ADCY8: variants seen among roughly 807,000 people sequenced by gnomAD.
ADCY8 encodes adenylate cyclase type 8.
ADCY8 carries 51 observed loss-of-function variants against 119.7 expected under a neutral mutation model. That is an observed-to-expected ratio of 0.43 (90% CI 0.34 to 0.54). The LOEUF is 0.54. Among genes scored for constraint, ADCY8 ranks in the 20% least tolerant of loss-of-function variants. The pLI, the probability that ADCY8 is intolerant of heterozygous loss-of-function variation, is 0.03. For synonymous variants in ADCY8, 665 were observed against 651.0 expected (o/e 1.02, Z -0.33); for missense variants, 1,383 against 1,598.8 (o/e 0.87, Z 2.30).
chr8:130,905,898 G>A (rs1819768144), intron 6 of ADCY8, among the ~76,000 whole-genome samples: 1 of 152,094 alleles, frequency 6.6e-6, no homozygotes, highest in African/African-American at 2.4e-5. Context: ...ATAAAATGCA[G>A]TTTACTTTTA....
At chr8:131,020,798 G>T (rs1031096379) in intron 1 of ADCY8, among the ~76,000 whole-genome samples, 1 of 152,186 alleles carries the variant, frequency 6.6e-6, no homozygotes, top group Non-Finnish European at 1.5e-5. Flanking sequence ...AAGGCCTGGT[G>T]CACTTTCAAA....
intron 2 of ADCY8, among the ~76,000 whole-genome samples, chr8:130,960,338 G>T (rs1428839356): frequency 6.6e-6 from 1 of 152,134 alleles, no homozygotes; most frequent in African/African-American, 2.4e-5. Flanking sequence ...TCTTACTTCT[G>T]TCCATGTAGA....
intron 15 of ADCY8, among the ~76,000 whole-genome samples, chr8:130,786,484 T>C (rs1445223972): frequency 2.0e-5 from 3 of 152,214 alleles, no homozygotes; most frequent in South Asian, 2.1e-4. Flanking sequence ...AAAAGGACTT[T>C]GCAGAGCCTC....
chr8:131,025,577 T>C (rs947170049), intron 1 of ADCY8, among the ~76,000 whole-genome samples: 1 of 152,234 alleles, frequency 6.6e-6, no homozygotes, highest in African/African-American at 2.4e-5. Context: ...AAGAGCACGT[T>C]GTTTAACAGT....
chr8:131,022,876 T>C (rs942727206), intron 1 of ADCY8, among the ~76,000 whole-genome samples: 2 of 152,266 alleles, frequency 1.3e-5, no homozygotes, highest in South Asian at 2.1e-4. Context: ...ACATAGTAGA[T>C]GGTGGAATGA....
intron 14 of ADCY8, among the ~76,000 whole-genome samples, chr8:130,804,654 G>T (rs1364235296): frequency 6.6e-6 from 1 of 152,174 alleles, no homozygotes; most frequent in African/African-American, 2.4e-5. Flanking sequence ...TGATGTAAAT[G>T]TCTCCATGGT....
At chr8:130,923,205 AAGAG>A (rs367942267) in intron 5 of ADCY8, among the ~76,000 whole-genome samples, 2 of 151,928 alleles carry the variant, frequency 1.3e-5, no homozygotes, top group Admixed American at 6.6e-5. Context: ...AAGAAAGGGA[AAGAG>A]AGAGAGAGAA....
chr8:130,952,069 A>G, intron 2 of ADCY8, 71 bp from the exon 3 acceptor site: 1 of 1,579,060 alleles, frequency 6.3e-7, no homozygotes, highest in Non-Finnish European at 8.6e-7. Flanking sequence ...TGGAGGGTGG[A>G]GAAGTCATGG....
At chr8:130,861,212 G>T (rs1185196012) in intron 9 of ADCY8, among the ~76,000 whole-genome samples, 2 of 152,092 alleles carry the variant, frequency 1.3e-5, no homozygotes, top group African/African-American at 4.8e-5. Context: ...ACAACCTTTA[G>T]CATTGGTTTG....
intron 4 of ADCY8, among the ~76,000 whole-genome samples, chr8:130,941,877 T>G (rs1820966702): frequency 1.3e-5 from 2 of 152,238 alleles, no homozygotes; most frequent in African/African-American, 4.8e-5. Context: ...TTCTTTGCCT[T>G]GCTAATTAGT....
chr8:130,841,835 A>T (rs1440063982), intron 11 of ADCY8, among the ~76,000 whole-genome samples: 1 of 152,216 alleles, frequency 6.6e-6, no homozygotes, highest in Non-Finnish European at 1.5e-5. Flanking sequence ...CTTTACACAA[A>T]ATCTGATTCT....
At chr8:130,948,027 A>G (rs1159464688) in intron 3 of ADCY8, among the ~76,000 whole-genome samples, 1 of 152,176 alleles carries the variant, frequency 6.6e-6, no homozygotes, top group Non-Finnish European at 1.5e-5. Context: ...TTAAGGTGGA[A>G]AAAAAAGTGG....
Position 130,814,112 on chromosome 8 carries a change from C to G in ADCY8, c.2870G>C (p.Ser957Thr), listed in dbSNP as rs1489703994. ...NENMLRNILP[S>T]HVARHFLEKD... ...CTCTAGGAAATGGCGGGCCACATGGCTGGGTAAGATATTCCGGAGCATGTT... is the reference window on the plus strand; with the variant it reads ...CTCTAGGAAATGGCGGGCCACATGGGTGGGTAAGATATTCCGGAGCATGTT... Residue 957 changes from serine to threonine, a missense_variant, in exon 14 of 18, where the codon AGC becomes ACC. Physicochemically the swap from Ser to Thr is moderately conservative, Grantham distance 58. Transcript: ENST00000286355. The G allele has an allele frequency of 6.2e-7, 1 of 1,614,172 alleles. No homozygotes were observed. Among genetic ancestry groups the G allele is most frequent in the South Asian group, 1.1e-5 (1 of 91,076 alleles).
intron 9 of ADCY8, among the ~76,000 whole-genome samples, chr8:130,861,018 A>C (rs1337357923): frequency 6.6e-6 from 1 of 152,196 alleles, no homozygotes; most frequent in African/African-American, 2.4e-5. Flanking sequence ...TCAATTGATT[A>C]TATTTGTGTG....
intron 9 of ADCY8, among the ~76,000 whole-genome samples, chr8:130,858,707 T>C (rs535338479): frequency 2.0e-4 from 30 of 152,332 alleles, no homozygotes; most frequent in African/African-American, 7.0e-4. Context: ...TCATAAAATA[T>C]GTAGACTTTC....
chr8:131,010,682 T>C (rs1372103717), intron 1 of ADCY8, among the ~76,000 whole-genome samples: 2 of 152,222 alleles, frequency 1.3e-5, no homozygotes, highest in African/African-American at 2.4e-5. Context: ...AGTGAGAAGA[T>C]GAGGATCTAT....
Position 130,780,598 on chromosome 8 carries a change from G to C in ADCY8, c.3548C>G (p.Pro1183Arg). 1.2e-6 allele frequency: 2 copies of C among 1,614,178 alleles called. No individual in the cohort carries two copies. The highest frequency in any genetic ancestry group is 2.2e-5 in the East Asian group (1 of 44,872). Reference protein sequence around the residue: ...RVQPNPFILPPRRLPGQYSLA... With the variant: ...RVQPNPFILPRRRLPGQYSLA... ...GGAGTACTGCCCAGGCAGTCTTCTTGGGGGCAAGATGAATGGGTTGGGTTG... is the reference window on the plus strand; with the variant it reads ...GGAGTACTGCCCAGGCAGTCTTCTTCGGGGCAAGATGAATGGGTTGGGTTG... The change falls in exon 18 of 18, where the codon CCA becomes CGA. Residue 1183 changes from proline to arginine, a missense_variant. Physicochemically the swap from Pro to Arg is moderately radical, Grantham distance 103. Transcript: ENST00000286355.
In ADCY8 at chr8:130,974,136, G is replaced by T. The variant is rs2130710545; in HGVS notation, c.1110+16257C>A. Among the ~76,000 whole-genome samples the T allele has an allele frequency of 2.0e-5, 3 of 152,318 alleles. 1 individual carries two copies. ...CAACAAAGCACCCTTCGTTTGTGTG[G>T]CCCATTATCCCTTGATGGGTTTTCC... On this transcript the variant is annotated intron_variant, in intron 2 of 17. Coordinates refer to ENST00000286355, the MANE Select transcript of ADCY8 (RefSeq NM_001115.3).
chr8:130,966,243 A>C (rs559390598), intron 2 of ADCY8, among the ~76,000 whole-genome samples: 13 of 152,192 alleles, frequency 8.5e-5, no homozygotes, highest in Non-Finnish European at 1.8e-4. Context: ...AGCCACTAAG[A>C]CCTCTGGATC....
Sources: allele counts gnomAD v4.1 joint callset (sites outside exome capture counted in the v4.1 genomes callset), GRCh38; gene constraint gnomAD v4.1.1; transcripts MANE v1.5; gene names NCBI Gene and HGNC (gene_info 2026-07-23, HGNC 2026-07-21).